The following LRRC63 variants were observed in gnomAD, a reference collection of about 807,000 sequenced individuals.
LRRC63 encodes leucine rich repeat containing 63.
Under a neutral mutation model 49.5 loss-of-function variants are expected in LRRC63, and 40 were observed. The observed-to-expected ratio is 0.81, with a 90% CI of 0.63 to 1.05. The LOEUF is 1.05. Among genes scored for constraint, LRRC63 ranks in the 50% least tolerant of loss-of-function variants. The pLI is 0.00. For missense variants in LRRC63, 636 were observed against 663.1 expected (o/e 0.96, Z 0.45); for synonymous variants, 191 against 221.1 (o/e 0.86, Z 1.21).
At position 46,250,866 on chromosome 13, in the gene LRRC63, A is replaced by G. The variant is rs140519477; in HGVS notation, c.1226+375A>G. Among the ~76,000 whole-genome samples, 839 of 152,000 alleles carry G rather than the reference A, an allele frequency of 5.5e-3. 7 individuals carry two copies. Among genetic ancestry groups the G allele is most frequent in the African/African-American group, 0.019 (807 of 41,528 alleles). ...TTTGACTTTAAAGTTGATGATAATT[A>G]TATATTTGATCTGGAGAAAGTAATT... On this transcript the variant is annotated intron_variant, in intron 7 of 9. Coordinates refer to ENST00000595396, the Ensembl canonical transcript of LRRC63.
exon 9 of LRRC63, chr13:46,266,858 A>C (rs1249798758): frequency 6.5e-7 from 1 of 1,549,888 alleles, no homozygotes; most frequent in Admixed American, 2.0e-5. Flanking sequence ...TGGAGAGATA[A>C]TTATTTGAAT....
intron 2 of LRRC63, among the ~76,000 whole-genome samples, chr13:46,220,690 C>T (rs993562292): frequency 1.5e-4 from 23 of 151,624 alleles, no homozygotes; most frequent in Non-Finnish European, 3.2e-4. Flanking sequence ...TCGATGTCTG[C>T]CCCCATGGCC....
At chr13:46,230,843 G>A (rs189298617) in intron 4 of LRRC63, among the ~76,000 whole-genome samples, 1 of 152,256 alleles carries the variant, frequency 6.6e-6, no homozygotes, top group East Asian at 1.9e-4. Context: ...TCCCACATCT[G>A]AGCATAGGCT....
chr13:46,270,024 T>A, intron 9 of LRRC63: 1 of 463,582 alleles, frequency 2.2e-6, no homozygotes, highest in East Asian at 4.2e-5. Flanking sequence ...TTTCTATACA[T>A]GCATATCTAT....
At chr13:46,251,372 C>G (rs2047376463) in intron 7 of LRRC63, among the ~76,000 whole-genome samples, 1 of 151,748 alleles carries the variant, frequency 6.6e-6, no homozygotes, top group African/African-American at 2.4e-5. Context: ...ACATTACACA[C>G]TACATATATA....
chr13:46,271,079 C>T (rs1465329931), intron 9 of LRRC63, among the ~76,000 whole-genome samples: 1 of 152,106 alleles, frequency 6.6e-6, no homozygotes, highest in African/African-American at 2.4e-5. Flanking sequence ...ATATCATTAA[C>T]CAAACACAAA....
intron 2 of LRRC63, among the ~76,000 whole-genome samples, chr13:46,213,698 TAAC>T (rs942564939): frequency 1.3e-5 from 2 of 152,218 alleles, no homozygotes; most frequent in African/African-American, 4.8e-5. Context: ...AGTTCAATGT[TAAC>T]AAATCAACTG....
chr13:46,229,145 A>T (rs1448647064), intron 4 of LRRC63, among the ~76,000 whole-genome samples: 1 of 152,240 alleles, frequency 6.6e-6, no homozygotes, highest in Non-Finnish European at 1.5e-5. Context: ...ATTACCAGGC[A>T]CACAAAGAGA....
intron 7 of LRRC63, among the ~76,000 whole-genome samples, chr13:46,261,197 C>T (rs2047607887): frequency 6.6e-6 from 1 of 152,184 alleles, no homozygotes; most frequent in Non-Finnish European, 1.5e-5. Context: ...AGGTATTTTA[C>T]TAGAAAAGTC....
intron 5 of LRRC63, among the ~76,000 whole-genome samples, chr13:46,246,254 C>A (rs953931820): frequency 1.2e-4 from 19 of 152,146 alleles, no homozygotes; most frequent in Non-Finnish European, 5.9e-5. Flanking sequence ...AAGCTCTTTT[C>A]TTTATAAATT....
chr13:46,260,067 T>C (rs1374873918), intron 7 of LRRC63, among the ~76,000 whole-genome samples: 1 of 152,184 alleles, frequency 6.6e-6, no homozygotes, highest in Non-Finnish European at 1.5e-5. Context: ...ATTTTCTCTG[T>C]AAAAATCATA....
intron 8 of LRRC63, among the ~76,000 whole-genome samples, chr13:46,264,437 T>TTTAGTTAGTTAGTTAG (rs140900422): frequency 6.6e-6 from 1 of 151,400 alleles, no homozygotes; most frequent in African/African-American, 2.4e-5. Flanking sequence ...TATTTATTTA[T>TTTAGTTAGTTAGTTAG]TTAGTTAGTT....
rs1594021614 is a variant in LRRC63 at position 46,226,006 on chromosome 13, C to G, written c.86-1506C>G. Among the ~76,000 whole-genome samples, 6 of 146,100 alleles carry G rather than the reference C, an allele frequency of 4.1e-5. No homozygotes were observed. The South Asian group carries it at 1.3e-3, about 31-fold the overall frequency. On this transcript the variant is annotated intron_variant, in intron 2 of 9. Transcript: ENST00000595396. ...TTTTTCCTTTTTCTTTTTTTTTTGA[C>G]AGGGTCTCACTCCGTCACCCAAGTT...
intron 5 of LRRC63, among the ~76,000 whole-genome samples, chr13:46,244,537 AG>A (rs2047158873): frequency 6.6e-6 from 1 of 152,234 alleles, no homozygotes; most frequent in African/African-American, 2.4e-5. Flanking sequence ...TGGCAGGTCA[AG>A]GCAGGAGGAT....
At chr13:46,272,856 A>G (rs1180292274) in intron 9 of LRRC63, among the ~76,000 whole-genome samples, 3 of 152,248 alleles carry the variant, frequency 2.0e-5, no homozygotes, top group Non-Finnish European at 4.4e-5. Flanking sequence ...ATACATACAC[A>G]GTGAGGGTGC....
chr13:46,258,117 A>G (rs1031672169), intron 7 of LRRC63, among the ~76,000 whole-genome samples: 1 of 143,294 alleles, frequency 7.0e-6, no homozygotes, highest in African/African-American at 2.6e-5. Flanking sequence ...CAAGCCAGTG[A>G]CCTACTCTTT....
intron 9 of LRRC63, chr13:46,270,517 A>T: frequency 1.3e-6 from 1 of 795,706 alleles, no homozygotes; most frequent in South Asian, 1.3e-5. Flanking sequence ...CAGTTGAGTT[A>T]CCCAAATTTG....
At chr13:46,256,877 A>G (rs1032003930) in intron 7 of LRRC63, among the ~76,000 whole-genome samples, 3 of 152,226 alleles carry the variant, frequency 2.0e-5, no homozygotes, top group Admixed American at 6.5e-5. Flanking sequence ...GAACTGTGAT[A>G]GGGCGAATAA....
chr13:46,271,739 T>C (rs1486636139), intron 9 of LRRC63, among the ~76,000 whole-genome samples: 4 of 140,248 alleles, frequency 2.9e-5, no homozygotes, highest in African/African-American at 8.1e-5. Flanking sequence ...AAAAAAAAAC[T>C]CCAACAACTA....
Sources: allele counts gnomAD v4.1 joint callset (sites outside exome capture counted in the v4.1 genomes callset), GRCh38; gene constraint gnomAD v4.1.1; transcripts MANE v1.5; gene names NCBI Gene and HGNC (gene_info 2026-07-23, HGNC 2026-07-21).